Variants in APP observed in about 807,000 individuals in gnomAD.
APP encodes amyloid beta precursor protein.
In APP, 31 loss-of-function variants were observed where a neutral mutation model predicts 101.4. That is an observed-to-expected ratio of 0.31 (90% CI 0.23 to 0.41). The LOEUF is 0.41. APP is among the 10% of genes least tolerant of loss of function. The pLI is 1.00. For missense variants in APP, 839 were observed against 1,003.7 expected (o/e 0.84, Z 2.22); for synonymous variants, 366 against 364.4 (o/e 1.00, Z -0.05).
intron 2 of APP, among the ~76,000 whole-genome samples, chr21:26,100,875 G>A (rs900726719): frequency 2.0e-5 from 3 of 152,144 alleles, no homozygotes; most frequent in East Asian, 1.9e-4. Context: ...ATAAAGCCAC[G>A]TTCACCTAAC....
chr21:26,148,628 G>A (rs461315), intron 1 of APP, among the ~76,000 whole-genome samples: 6 of 152,180 alleles, frequency 3.9e-5, no homozygotes, highest in Non-Finnish European at 8.8e-5. Context: ...AGTGTCACAG[G>A]CAACTGGGCC....
At chr21:25,896,466 CT>C (rs1216016222) in intron 16 of APP, among the ~76,000 whole-genome samples, 1 of 151,924 alleles carries the variant, frequency 6.6e-6, no homozygotes, top group South Asian at 2.1e-4. Flanking sequence ...CCTGAGATAA[CT>C]TTAAGTATTA....
intron 9 of APP, among the ~76,000 whole-genome samples, chr21:25,979,232 CAT>C (rs1284839880): frequency 6.6e-6 from 1 of 152,090 alleles, no homozygotes; most frequent in Admixed American, 6.5e-5. Flanking sequence ...TGTAAGAAAA[CAT>C]ATAACAAAAA....
chr21:26,135,141 T>G (rs1009657534), intron 1 of APP, among the ~76,000 whole-genome samples: 6 of 152,236 alleles, frequency 3.9e-5, no homozygotes, highest in Non-Finnish European at 8.8e-5. Context: ...CTTCTTACAA[T>G]TATGCTCTGT....
chr21:26,136,202 A>AAAGAAAGAAAGAAAGAAAAAGAAAG (rs137962980), intron 1 of APP, among the ~76,000 whole-genome samples: 6 of 100,604 alleles, frequency 6.0e-5, no homozygotes, highest in African/African-American at 1.7e-4. Context: ...AGAAAGAAAG[A>AAAGAAAGAAAGAAAGAAAAAGAAAG]AAAGAAAAGA....
intron 2 of APP, among the ~76,000 whole-genome samples, chr21:26,093,787 C>T (rs1040558438): frequency 6.6e-6 from 1 of 152,094 alleles, no homozygotes; most frequent in Non-Finnish European, 1.5e-5. Context: ...CCAACAATGA[C>T]AATTGTTAAT....
chr21:25,980,077 G>A (rs2042371137), intron 9 of APP, among the ~76,000 whole-genome samples: 1 of 152,142 alleles, frequency 6.6e-6, no homozygotes, highest in East Asian at 1.9e-4. Context: ...AGAACTCAAT[G>A]CCAAGGGCAA....
intron 3 of APP, among the ~76,000 whole-genome samples, chr21:26,056,655 T>G (rs2046055184): frequency 6.6e-6 from 1 of 151,228 alleles, no homozygotes; most frequent in African/African-American, 2.4e-5. Context: ...TGCAAAACAT[T>G]TCATTTGATA....
At chr21:26,151,888 A>T (rs988565899) in intron 1 of APP, among the ~76,000 whole-genome samples, 1 of 152,184 alleles carries the variant, frequency 6.6e-6, no homozygotes, top group African/African-American at 2.4e-5. Flanking sequence ...TACAATAAAT[A>T]ATAAATAATT....
intron 11 of APP, among the ~76,000 whole-genome samples, chr21:25,958,479 A>G (rs561014622): frequency 4.5e-4 from 68 of 152,196 alleles, no homozygotes; most frequent in African/African-American, 1.1e-3. Flanking sequence ...GGGTTTCGCC[A>G]TGTTAGCCAG....
At chr21:26,066,978 CTACTGCTGAGTAT>C (rs2146020392) in intron 3 of APP, among the ~76,000 whole-genome samples, 1 of 152,234 alleles carries the variant, frequency 6.6e-6, no homozygotes, top group East Asian at 1.9e-4. Context: ...ATCATCTCTG[CTACTGCTGAGTAT>C]TACTAAATAC....
At chr21:26,156,657 T>C (rs1327075020) in intron 1 of APP, among the ~76,000 whole-genome samples, 2 of 152,212 alleles carry the variant, frequency 1.3e-5, no homozygotes, top group Non-Finnish European at 2.9e-5. Flanking sequence ...ATAGCTCAAA[T>C]ATTTTCAGAT....
At chr21:25,980,795 T>C (rs1298685007) in intron 9 of APP, among the ~76,000 whole-genome samples, 2 of 152,166 alleles carry the variant, frequency 1.3e-5, no homozygotes, top group African/African-American at 4.8e-5. Flanking sequence ...GGTCAGGAGA[T>C]GATTATCATG....
intron 5 of APP, among the ~76,000 whole-genome samples, chr21:26,041,394 A>C (rs902251133): frequency 6.6e-5 from 10 of 152,256 alleles, no homozygotes. Flanking sequence ...AGTTAAAATC[A>C]TAAGAATCTG....
At chr21:25,985,124 G>A (rs190893617) in intron 8 of APP, among the ~76,000 whole-genome samples, 10 of 152,190 alleles carry the variant, frequency 6.6e-5, no homozygotes, top group Non-Finnish European at 1.3e-4. Context: ...CATGGAACAT[G>A]AATGTGAGGT....
intron 3 of APP, among the ~76,000 whole-genome samples, chr21:26,087,542 G>A (rs2061727648): frequency 6.6e-6 from 1 of 152,222 alleles, no homozygotes; most frequent in South Asian, 2.1e-4. Context: ...AATCTGTTCG[G>A]AGGATGAAAG....
At chr21:26,045,359 A>T (rs1334460715) in intron 5 of APP, among the ~76,000 whole-genome samples, 2 of 152,220 alleles carry the variant, frequency 1.3e-5, no homozygotes, top group African/African-American at 4.8e-5. Flanking sequence ...AGACGGATAT[A>T]TTTCAGGTTC....
intron 1 of APP, among the ~76,000 whole-genome samples, chr21:26,156,072 C>T (rs1476178457): frequency 1.3e-5 from 2 of 151,552 alleles, no homozygotes; most frequent in Non-Finnish European, 2.9e-5. Context: ...AACTGTAGGC[C>T]TTAACAATAA....
chr21:25,940,746 C>T (rs1477399577), intron 13 of APP, among the ~76,000 whole-genome samples: 1 of 152,138 alleles, frequency 6.6e-6, no homozygotes, highest in Non-Finnish European at 1.5e-5. Context: ...AATGGATTCT[C>T]ACCTATTTAT....
Sources: gnomAD v4.1 joint callset for allele counts (sites outside exome capture counted in the v4.1 genomes callset) on GRCh38, gnomAD v4.1.1 for gene constraint, MANE v1.5 for transcripts, NCBI Gene and HGNC (gene_info 2026-07-23, HGNC 2026-07-21) for gene names.